NPM2: variants seen among roughly 807,000 people sequenced by gnomAD.
NPM2 encodes nucleophosmin/nucleoplasmin 2.
NPM2 carries 25 observed loss-of-function variants against 32.0 expected under a neutral mutation model. That is an observed-to-expected ratio of 0.78 (90% CI 0.57 to 1.09). The LOEUF (loss-of-function observed/expected upper bound fraction) is 1.09. NPM2 is among the 50% of genes least tolerant of loss of function. The probability of loss-of-function intolerance (pLI) is 0.00; values close to 1 mark genes in which losing one functional copy is unlikely to be tolerated. For synonymous variants in NPM2, 111 were observed against 94.2 expected (o/e 1.18, Z -1.04); for missense variants, 282 against 259.9 (o/e 1.08, Z -0.58).
intron 5 of NPM2, 66 bp from the exon 6 acceptor site, chr8:22,033,064 T>G: frequency 8.5e-7 from 1 of 1,173,768 alleles, no homozygotes; most frequent in Non-Finnish European, 1.3e-6. Context: ...TATTTCTGCC[T>G]GAGGCTAGTC....
Position 22,025,741 on chromosome 8 carries a change from T to G in NPM2, c.239T>G (p.Ile80Ser), listed in dbSNP as rs200248489. ...QEDKKMQPVT[I>S]ASLQASVLPM... ...GACAAGAAGATGCAGCCGGTCACCA[T>G]TGCCTCACTCCAGGCCTCAGTCCTC... The change falls in exon 5 of 10, where the codon ATT (isoleucine) becomes AGT (serine). Residue 80 changes from isoleucine to serine, a missense_variant. By Grantham distance (142) the Ile-to-Ser change is moderately radical. Coordinates refer to ENST00000518119, the MANE Select transcript of NPM2 (RefSeq NM_001286680.2). 1 of 1,614,134 alleles carries G rather than the reference T, an allele frequency of 6.2e-7. No homozygotes were observed. The highest frequency in any genetic ancestry group is 8.5e-7 in the Non-Finnish European group (1 of 1,180,010).
At chr8:22,033,343 C>A in intron 6 of NPM2, 120 bp downstream of exon 6, 1 of 817,158 alleles carries the variant, frequency 1.2e-6, no homozygotes, top group Non-Finnish European at 2.1e-6. Flanking sequence ...TCCCCAAAGG[C>A]AACATGACAG....
At chr8:22,034,763 A>G (rs1585522846) in intron 8 of NPM2, among the ~76,000 whole-genome samples, 1 of 152,158 alleles carries the variant, frequency 6.6e-6, no homozygotes, top group Non-Finnish European at 1.5e-5. Context: ...AGTGAAGGCA[A>G]TTCCTTCCAC....
At chr8:22,029,533 T>C (rs1274001882) in intron 5 of NPM2, among the ~76,000 whole-genome samples, 4 of 152,230 alleles carry the variant, frequency 2.6e-5, no homozygotes, top group Non-Finnish European at 5.9e-5. Flanking sequence ...ACTAGTACTA[T>C]TGTATTTTCC....
intron 5 of NPM2, among the ~76,000 whole-genome samples, chr8:22,028,982 C>T (rs974391151): frequency 1.3e-5 from 2 of 151,944 alleles, no homozygotes; most frequent in Non-Finnish European, 1.5e-5. Flanking sequence ...AATTAAAGTT[C>T]CTTTTCCCCT....
chr8:22,036,328 G>A (rs1165075920), intron 8 of NPM2, 165 bp from the exon 9 acceptor site: 1 of 602,088 alleles, frequency 1.7e-6, no homozygotes, highest in Admixed American at 3.1e-5. Context: ...GCGTATGCAT[G>A]CACACGCACA....
chr8:22,036,628 C>T lies in NPM2; in HGVS notation c.601-10C>T, dbSNP rs1247065532. 2 of 1,551,800 alleles carry T rather than the reference C, an allele frequency of 1.3e-6. No homozygotes were observed. The highest frequency in any genetic ancestry group is 2.0e-5 in the Admixed American group (1 of 50,904). ...GAACGGGACCCTGGAGCCCTGCCTT[C>T]CCTCCACAGGCCAAAGCCACAGCCA... On this transcript the variant is annotated splice_polypyrimidine_tract_variant and intron_variant, in intron 9 of 9. Coordinates refer to ENST00000518119, the MANE Select transcript of NPM2 (RefSeq NM_001286680.2).
chr8:22,029,800 C>T (rs529916478), intron 5 of NPM2, among the ~76,000 whole-genome samples: 2 of 152,272 alleles, frequency 1.3e-5, no homozygotes, highest in Admixed American at 6.5e-5. Flanking sequence ...TATTCTGGTT[C>T]CCAATGTTGC....
At chr8:22,031,454 T>C (rs1212569257) in intron 5 of NPM2, among the ~76,000 whole-genome samples, 1 of 152,162 alleles carries the variant, frequency 6.6e-6, no homozygotes, top group Non-Finnish European at 1.5e-5. Flanking sequence ...TGTTGTTCTG[T>C]TGTGTTTTTT....
intron 5 of NPM2, among the ~76,000 whole-genome samples, chr8:22,029,130 G>A (rs1466256196): frequency 6.6e-6 from 1 of 151,990 alleles, no homozygotes; most frequent in Admixed American, 6.6e-5. Flanking sequence ...GAGCTTTTCT[G>A]ATTCTCCTTT....
rs1198186936 is a variant in NPM2, at chr8:22,034,149, A to C, written c.405A>C (p.Glu135Asp). Residue 135 changes from glutamate (E) to aspartate (D), a missense_variant, in exon 7 of 10, where the codon GAA becomes GAC. Transcript: ENST00000518119. ...CCTGGGAGGAGGAGGAGGAAGAAGA[A>C]GGGGAGGAGGAGGAAGAGGAAGAGG... ...DLTWEEEEEE[E>D]GEEEEEEEED... is the part of the protein sequence containing the mutation. The C allele has an allele frequency of 6.2e-7, 1 of 1,610,794 alleles. No homozygotes were observed. The highest frequency in any genetic ancestry group is 1.1e-5 in the South Asian group (1 of 90,334).
At chr8:22,027,366 G>A (rs1800289660) in intron 5 of NPM2, among the ~76,000 whole-genome samples, 2 of 152,106 alleles carry the variant, frequency 1.3e-5, no homozygotes, top group Admixed American at 6.6e-5. Context: ...CTTTCCTGTG[G>A]TTTTCAAGAC....
At position 22,024,231 on chromosome 8, in the gene NPM2, T is replaced by TGGAGACAGGGCTCGCTC. The variant is rs1800151808; in HGVS notation, c.-531_-515dup. 6.6e-6 allele frequency: 1 copy of TGGAGACAGGGCTCGCTC among 152,398 alleles called. No homozygotes were observed. The highest frequency in any genetic ancestry group is 6.5e-5 in the Admixed American group (1 of 15,288). The allele number at this position is 152,398 out of a possible 1,614,324, so 9.4% of individuals were successfully genotyped here. ...CTCTCCGCGGGAGATCTCACCGTTCTGGAGACAGGGCTCGCTCGCTCTCAC... is the reference window on the plus strand; with the variant it reads ...CTCTCCGCGGGAGATCTCACCGTTCTGGAGACAGGGCTCGCTCGGAGACAGGGCTCGCTCGCTCTCAC... On this transcript the variant is annotated 5_prime_UTR_variant, in exon 1 of 10. Transcript: ENST00000518119.
At chr8:22,035,057 C>T (rs565023080) in intron 8 of NPM2, among the ~76,000 whole-genome samples, 5 of 152,200 alleles carry the variant, frequency 3.3e-5, no homozygotes, top group African/African-American at 4.8e-5. Context: ...GAGCCGAGAT[C>T]GTGCCACTGC....
In NPM2 at chr8:22,036,848, C is replaced by G. The variant is rs1406685924; in HGVS notation, c.*166C>G. ...CCCAACTCTCCACTTTCAGGAGGCCCCCAGTGAAGAGCCCCACCTCGGGGT... is the reference window on the plus strand; with the variant it reads ...CCCAACTCTCCACTTTCAGGAGGCCGCCAGTGAAGAGCCCCACCTCGGGGT... On this transcript the variant is annotated 3_prime_UTR_variant, in exon 10 of 10. Transcript: ENST00000518119. The G allele has an allele frequency of 4.6e-6, 3 of 657,932 alleles. No homozygotes were observed. The African/African-American group carries it at 5.6e-5, about 12-fold the overall frequency. 40.8% of individuals were successfully genotyped at this position (657,932 alleles called of 1,614,324 possible).
At chr8:22,026,028 C>T (rs1585507423) in intron 5 of NPM2, among the ~76,000 whole-genome samples, 1 of 152,170 alleles carries the variant, frequency 6.6e-6, no homozygotes, top group Admixed American at 6.5e-5. Flanking sequence ...GACCAGAACT[C>T]GTCCTGTTAG....
At chr8:22,029,717 C>G (rs912427431) in intron 5 of NPM2, among the ~76,000 whole-genome samples, 2 of 152,096 alleles carry the variant, frequency 1.3e-5, no homozygotes, top group Non-Finnish European at 2.9e-5. Context: ...TGATTTTGCC[C>G]TCATTCCTTC....
rs191247935 is a variant in NPM2, at chr8:22,025,874, C to T, written c.270+102C>T. 1.1e-4 allele frequency: 165 copies of T among 1,532,480 alleles called. No individual in the cohort carries two copies. In the Admixed American group the frequency reaches 2.7e-3, roughly 25 times the overall value. The allele number at this position is 1,532,480 out of a possible 1,614,324, so 94.9% of individuals were successfully genotyped here. On this transcript the variant is annotated intron_variant, in intron 5 of 9. Transcript: ENST00000518119. ...GGTGCATTCACCCTACAGAAATGAG[C>T]CATGCTAGGGAGGTAGCACAGCCCA... is the stretch of plus-strand genomic sequence containing the variant.
At chr8:22,033,546 A>G (rs1007881059) in intron 6 of NPM2, among the ~76,000 whole-genome samples, 1 of 152,206 alleles carries the variant, frequency 6.6e-6, no homozygotes, top group Admixed American at 6.5e-5. Context: ...TGGCTGCTGC[A>G]GTGATGCAGA....
Sources: gnomAD v4.1 joint callset for allele counts (sites outside exome capture counted in the v4.1 genomes callset) on GRCh38, gnomAD v4.1.1 for gene constraint, MANE v1.5 for transcripts, NCBI Gene and HGNC (gene_info 2026-07-23, HGNC 2026-07-21) for gene names.